Variants in GRID2 observed in about 807,000 individuals in gnomAD.
GRID2 encodes the protein glutamate ionotropic receptor delta type subunit 2.
A neutral mutation model predicts 114.8 loss-of-function variants in GRID2; 33 were observed. The observed-to-expected ratio is 0.29, with a 90% CI of 0.22 to 0.38. The LOEUF (loss-of-function observed/expected upper bound fraction) is 0.38, where lower values mean the gene tolerates loss of function less well. GRID2 is among the 10% of genes least tolerant of loss of function. The probability of loss-of-function intolerance (pLI) is 1.00; values close to 1 mark genes in which losing one functional copy is unlikely to be tolerated. For synonymous variants in GRID2, 505 were observed against 449.9 expected, an observed-to-expected ratio of 1.12 and a Z score of -1.55; for missense variants, 1,184 against 1,257.7, an observed-to-expected ratio of 0.94 and a Z score of 0.89.
intron 2 of GRID2, among the ~76,000 whole-genome samples, chr4:92,853,876 A>C (rs939488491): frequency 2.6e-5 from 4 of 151,760 alleles, no homozygotes; most frequent in Non-Finnish European, 5.9e-5. Flanking sequence ...GGGTTGAAAA[A>C]CTACACATCG....
chr4:92,574,174 G>A (rs1287183757), intron 1 of GRID2, among the ~76,000 whole-genome samples: 4 of 151,608 alleles, frequency 2.6e-5, no homozygotes, highest in Admixed American at 1.3e-4. Context: ...TTCCTCCAAC[G>A]CCTATGTGTG....
At chr4:93,121,061 G>A (rs1231394949) in intron 4 of GRID2, among the ~76,000 whole-genome samples, 1 of 151,994 alleles carries the variant, frequency 6.6e-6, no homozygotes, top group East Asian at 1.9e-4. Context: ...AAACCTGCAC[G>A]TTCTGCACAT....
chr4:93,203,885 A>C (rs896769069), intron 4 of GRID2: 1 of 152,114 alleles, frequency 6.6e-6, no homozygotes, highest in South Asian at 2.1e-4. Flanking sequence ...GGGAGGTTTT[A>C]TGAGTCAGGT....
At chr4:93,294,809 C>T (rs1284432359) in intron 8 of GRID2, among the ~76,000 whole-genome samples, 1 of 152,180 alleles carries the variant, frequency 6.6e-6, no homozygotes, top group East Asian at 1.9e-4. Context: ...ATCGGCCCGC[C>T]TCAGCCTCTC....
intron 13 of GRID2, among the ~76,000 whole-genome samples, chr4:93,540,887 A>G (rs1732587939): frequency 6.6e-6 from 1 of 152,202 alleles, no homozygotes; most frequent in African/African-American, 2.4e-5. Flanking sequence ...TTCATTAAAT[A>G]TCAACTTCCT....
chr4:93,585,864 T>C (rs577976876), intron 13 of GRID2, among the ~76,000 whole-genome samples: 3 of 152,138 alleles, frequency 2.0e-5, no homozygotes, highest in Non-Finnish European at 4.4e-5. Context: ...CTCTTGTACA[T>C]GGCATATCCA....
At chr4:92,305,506 T>C (rs1725338409) in intron 1 of GRID2, among the ~76,000 whole-genome samples, 1 of 152,086 alleles carries the variant, frequency 6.6e-6, no homozygotes, top group Non-Finnish European at 1.5e-5. Context: ...GAGGTCTGCT[T>C]AGCAGATATC....
intron 2 of GRID2, among the ~76,000 whole-genome samples, chr4:92,924,381 C>G (rs1476960112): frequency 6.6e-6 from 1 of 151,646 alleles, no homozygotes; most frequent in Non-Finnish European, 1.5e-5. Flanking sequence ...CACATGTACC[C>G]TAAAACTTAA....
intron 14 of GRID2, among the ~76,000 whole-genome samples, chr4:93,648,538 T>C (rs183427775): frequency 5.3e-5 from 8 of 152,276 alleles, no homozygotes; most frequent in Admixed American, 5.2e-4. Context: ...AATGAGAGAA[T>C]AAACAGCTGC....
chr4:92,833,032 G>T (rs1294310169), intron 2 of GRID2, among the ~76,000 whole-genome samples: 1 of 152,092 alleles, frequency 6.6e-6, no homozygotes, highest in African/African-American at 2.4e-5. Flanking sequence ...AATTTAATAA[G>T]GCATGTCCAA....
chr4:93,495,092 A>T (rs1352297075), intron 12 of GRID2, among the ~76,000 whole-genome samples: 1 of 151,778 alleles, frequency 6.6e-6, no homozygotes, highest in East Asian at 1.9e-4. Context: ...AGCTGCAAGT[A>T]AACTTGGACC....
At chr4:93,123,155 T>A (rs1002366649) in intron 4 of GRID2, among the ~76,000 whole-genome samples, 1 of 152,088 alleles carries the variant, frequency 6.6e-6, no homozygotes, top group South Asian at 2.1e-4. Context: ...CTTGGGACAC[T>A]GATATTGGTG....
intron 11 of GRID2, among the ~76,000 whole-genome samples, chr4:93,487,364 A>T (rs920647564): frequency 6.6e-6 from 1 of 151,680 alleles, no homozygotes; most frequent in Non-Finnish European, 1.5e-5. Context: ...CTTTAAATTG[A>T]TGAGTAACTC....
chr4:92,600,032 GTGTGTGTGTGTGTA>G lies in GRID2; in HGVS notation c.244+9748_244+9761del, dbSNP rs1304933115. Among the ~76,000 whole-genome samples the G allele has an allele frequency of 5.6e-3, 410 of 73,002 alleles. 5 individuals carry two copies. The highest frequency in any genetic ancestry group is 8.3e-3 in the Middle Eastern group (1 of 120). 47.9% of individuals were successfully genotyped at this position (73,002 alleles called of 152,430 possible). Reference sequence around the variant, plus strand: ...AGGGCAATACTTCATGTATGTGTGTGTGTGTGTGTGTGTATATATATATATATATATATATATAT... The same window carrying G: ...AGGGCAATACTTCATGTATGTGTGTGTATATATATATATATATATATATAT... On this transcript the variant is annotated intron_variant, in intron 2 of 15. Coordinates refer to ENST00000282020, the MANE Select transcript of GRID2 (RefSeq NM_001510.4).
intron 2 of GRID2, among the ~76,000 whole-genome samples, chr4:93,000,333 T>A (rs1560783374): frequency 6.6e-6 from 1 of 151,724 alleles, no homozygotes; most frequent in Non-Finnish European, 1.5e-5. Flanking sequence ...GACATCAGAT[T>A]TTCAAAATAA....
chr4:93,735,454 T>TA (rs923148033), intron 14 of GRID2, among the ~76,000 whole-genome samples: 13 of 151,480 alleles, frequency 8.6e-5, no homozygotes, highest in Middle Eastern at 6.8e-3. Context: ...TCCATTGGAA[T>TA]AAAAAAAAAT....
intron 8 of GRID2, among the ~76,000 whole-genome samples, chr4:93,332,930 G>A (rs182238394): frequency 1.3e-5 from 2 of 152,192 alleles, no homozygotes; most frequent in East Asian, 3.9e-4. Flanking sequence ...ATCACCACCA[G>A]TCATAACTAA....
chr4:93,571,714 G>A (rs1735946358), intron 13 of GRID2, among the ~76,000 whole-genome samples: 5 of 152,038 alleles, frequency 3.3e-5, no homozygotes, highest in Admixed American at 3.3e-4. Context: ...TAAAAGTAAT[G>A]CTTATTTTAT....
At chr4:93,201,405 T>C (rs1742091630) in intron 4 of GRID2, among the ~76,000 whole-genome samples, 1 of 152,178 alleles carries the variant, frequency 6.6e-6, no homozygotes, top group African/African-American at 2.4e-5. Flanking sequence ...AGTAGCTCTT[T>C]AGTGTTTCTC....
Sources: gnomAD v4.1 joint callset for allele counts (sites outside exome capture counted in the v4.1 genomes callset) on GRCh38, gnomAD v4.1.1 for gene constraint, MANE v1.5 for transcripts, NCBI Gene and HGNC (gene_info 2026-07-23, HGNC 2026-07-21) for gene names.